Variants in PPARGC1A observed in about 807,000 individuals in gnomAD.
The protein encoded by PPARGC1A is PPARG coactivator 1 alpha.
In PPARGC1A, 25 loss-of-function variants were observed where a neutral mutation model predicts 88.7. That is an observed-to-expected ratio of 0.28 (90% confidence interval 0.21 to 0.39). The LOEUF is 0.39. PPARGC1A is among the 10% of genes least tolerant of loss of function. PPARGC1A has a pLI of 1.00. For missense variants in PPARGC1A, 880 were observed against 968.7 expected, an observed-to-expected ratio of 0.91 and a Z score of 1.22; for synonymous variants, 363 against 355.6, an observed-to-expected ratio of 1.02 and a Z score of -0.24.
At chr4:24,274,029 G>A in the PPARGC1A span, among the ~76,000 whole-genome samples, 60 of 151,782 alleles carry the variant, frequency 4.0e-4, no homozygotes, top group South Asian at 0.012. Flanking sequence ...GTGAGCCACC[G>A]TGCCTGGCCG....
chr4:24,051,325 A>C, the PPARGC1A span, among the ~76,000 whole-genome samples: 1 of 152,158 alleles, frequency 6.6e-6, no homozygotes, highest in Non-Finnish European at 1.5e-5. Flanking sequence ...ATTTCAGAGG[A>C]AATATCTTTA....
At chr4:24,118,413 C>T in the PPARGC1A span, among the ~76,000 whole-genome samples, 1 of 152,232 alleles carries the variant, frequency 6.6e-6, no homozygotes, top group African/African-American at 2.4e-5. Flanking sequence ...GTGGAGTTTT[C>T]CTGGCCCTGA....
the PPARGC1A span, among the ~76,000 whole-genome samples, chr4:23,911,773 A>G: frequency 6.6e-6 from 1 of 152,180 alleles, no homozygotes; most frequent in Non-Finnish European, 1.5e-5. Flanking sequence ...AAAATCACTC[A>G]TTTTTATTGT....
chr4:23,893,436 G>C (rs1217254093), upstream of PPARGC1A, among the ~76,000 whole-genome samples: 1 of 152,102 alleles, frequency 6.6e-6, no homozygotes, highest in Non-Finnish European at 1.5e-5. Context: ...AAACTCAGAA[G>C]AGCTATTAGG....
the PPARGC1A span, among the ~76,000 whole-genome samples, chr4:24,082,045 G>C: frequency 6.6e-6 from 1 of 152,088 alleles, no homozygotes; most frequent in African/African-American, 2.4e-5. Context: ...ACGGTTTCCA[G>C]GACACTCTCC....
At chr4:23,922,717 A>G in the PPARGC1A span, among the ~76,000 whole-genome samples, 1 of 152,172 alleles carries the variant, frequency 6.6e-6, no homozygotes, top group Non-Finnish European at 1.5e-5. Context: ...TTTTCCATCT[A>G]TGAATGAACA....
At chr4:23,818,726 A>G (rs1306179594) in intron 7 of PPARGC1A, among the ~76,000 whole-genome samples, 1 of 151,634 alleles carries the variant, frequency 6.6e-6, no homozygotes, top group Admixed American at 6.6e-5. Context: ...TATCGCTATG[A>G]AACGATTTTC....
chr4:24,266,414 T>A, the PPARGC1A span, among the ~76,000 whole-genome samples: 1 of 152,070 alleles, frequency 6.6e-6, no homozygotes, highest in African/African-American at 2.4e-5. Flanking sequence ...CTTGGGGTCA[T>A]GGGTTTAGCA....
chr4:24,178,125 C>T, the PPARGC1A span, among the ~76,000 whole-genome samples: 11,429 of 152,220 alleles, frequency 0.075, 461 homozygotes, highest in Non-Finnish European at 0.084. Flanking sequence ...AAATGAGATG[C>T]AACTATTCCC....
the PPARGC1A span, among the ~76,000 whole-genome samples, chr4:24,456,409 T>C: frequency 2.6e-5 from 4 of 152,092 alleles, no homozygotes; most frequent in African/African-American, 9.7e-5. Context: ...TTGGGGACAG[T>C]GGGAAATGTT....
At chr4:24,451,353 ATC>A in the PPARGC1A span, among the ~76,000 whole-genome samples, 1 of 152,228 alleles carries the variant, frequency 6.6e-6, no homozygotes, top group Non-Finnish European at 1.5e-5. Context: ...GCTACTAAAT[ATC>A]TCTTTTAAAA....
At chr4:23,886,970 C>G (rs369552953) in intron 1 of PPARGC1A, among the ~76,000 whole-genome samples, 39 of 152,144 alleles carry the variant, frequency 2.6e-4, no homozygotes, top group African/African-American at 9.4e-4. Context: ...AACTTAGGAA[C>G]CAACCATGTT....
At chr4:23,998,251 G>C in the PPARGC1A span, among the ~76,000 whole-genome samples, 2 of 152,118 alleles carry the variant, frequency 1.3e-5, no homozygotes, top group African/African-American at 2.4e-5. Context: ...CTTCAGAGTG[G>C]AAAATGATTA....
chr4:23,896,692 A>G (rs1222130631), intron 1 of PPARGC1A, among the ~76,000 whole-genome samples: 1 of 152,206 alleles, frequency 6.6e-6, no homozygotes, highest in Non-Finnish European at 1.5e-5. Context: ...TTCTCTTTAA[A>G]AATCTTAATT....
intron 2 of PPARGC1A, among the ~76,000 whole-genome samples, chr4:23,874,078 GA>G (rs61037623): frequency 0.047 from 7,179 of 152,170 alleles, 531 homozygotes; most frequent in African/African-American, 0.16. Flanking sequence ...AATTCTGGGG[GA>G]AAAAATGTTA....
the PPARGC1A span, among the ~76,000 whole-genome samples, chr4:24,382,983 A>T: frequency 6.6e-6 from 1 of 152,188 alleles, no homozygotes; most frequent in South Asian, 2.1e-4. Flanking sequence ...CTCATACAGG[A>T]GAGCTCCAGC....
the PPARGC1A span, among the ~76,000 whole-genome samples, chr4:24,177,898 T>C: frequency 6.6e-6 from 1 of 152,178 alleles, no homozygotes; most frequent in African/African-American, 2.4e-5. Flanking sequence ...ACTACTTATG[T>C]GGAATTATGC....
the PPARGC1A span, among the ~76,000 whole-genome samples, chr4:24,276,226 T>C: frequency 6.6e-6 from 1 of 152,160 alleles, no homozygotes; most frequent in Non-Finnish European, 1.5e-5. Context: ...CCACTTGTTT[T>C]CTCTTGAGGT....
intron 2 of PPARGC1A, chr4:23,876,066 AAC>A (rs1459055416): frequency 1.3e-5 from 2 of 152,296 alleles, no homozygotes; most frequent in African/African-American, 2.4e-5. Flanking sequence ...CATTTTTATT[AAC>A]AGTTACTTTA....
Sources: gnomAD v4.1 joint callset for allele counts (sites outside exome capture counted in the v4.1 genomes callset) on GRCh38, gnomAD v4.1.1 for gene constraint, MANE v1.5 for transcripts, NCBI Gene and HGNC (gene_info 2026-07-23, HGNC 2026-07-21) for gene names.